LDLRAD4: variants seen among roughly 807,000 people sequenced by gnomAD.
The protein encoded by LDLRAD4 is low-density lipoprotein receptor class A domain-containing protein 4.
A neutral mutation model predicts 17.0 loss-of-function variants in LDLRAD4; 5 were observed. The observed-to-expected ratio is 0.29, with a 90% CI of 0.15 to 0.62. The LOEUF (loss-of-function observed/expected upper bound fraction) is 0.62, where lower values mean the gene tolerates loss of function less well. Among genes scored for constraint, LDLRAD4 ranks in the 20% least tolerant of loss-of-function variants. LDLRAD4 has a pLI of 0.84. For missense variants in LDLRAD4, 340 were observed against 424.7 expected (o/e 0.80, Z 1.75); for synonymous variants, 168 against 171.8 (o/e 0.98, Z 0.17).
rs113708155 is a variant in LDLRAD4, at chr18:13,560,996, T to A, written c.182-60121T>A. Among the ~76,000 whole-genome samples the A allele has an allele frequency of 4.5e-3, 678 of 152,324 alleles. 3 individuals carry two copies. The highest frequency in any genetic ancestry group is 0.016 in the African/African-American group (658 of 41,566). On this transcript the variant is annotated intron_variant, in intron 3 of 5. Coordinates refer to ENST00000359446, the Ensembl canonical transcript of LDLRAD4. The stretch of plus-strand genomic sequence containing the variant: ...TCGTTCTGATTTTTATGGAGACACA[T>A]CTGTGTGACCTTAGGAAGGTCTCCC...
chr18:13,619,921 C>T (rs1316939890), intron 3 of LDLRAD4, among the ~76,000 whole-genome samples: 8 of 152,184 alleles, frequency 5.3e-5, no homozygotes, highest in African/African-American at 1.9e-4. Flanking sequence ...ACACCAGCGC[C>T]TCTCCTATAG....
At chr18:13,496,704 T>G (rs753087773) in intron 3 of LDLRAD4, among the ~76,000 whole-genome samples, 1 of 152,104 alleles carries the variant, frequency 6.6e-6, no homozygotes, top group Non-Finnish European at 1.5e-5. Flanking sequence ...TCCCCCATAC[T>G]CGAGGTTAAT....
intron 1 of LDLRAD4, among the ~76,000 whole-genome samples, chr18:13,232,693 C>G (rs572146448): frequency 1.3e-5 from 2 of 152,338 alleles, no homozygotes; most frequent in Admixed American, 6.5e-5. Context: ...GTCCCCTGAT[C>G]CCCTGCTTGC....
intron 2 of LDLRAD4, among the ~76,000 whole-genome samples, chr18:13,437,907 A>G (rs893884711): frequency 6.6e-6 from 1 of 152,222 alleles, no homozygotes. Flanking sequence ...TTCAAACCGA[A>G]TAATAGAGCC....
chr18:13,525,382 C>T (rs775609726), intron 3 of LDLRAD4, among the ~76,000 whole-genome samples: 107 of 152,352 alleles, frequency 7.0e-4, no homozygotes, highest in Non-Finnish European at 1.2e-3. Context: ...CACATTTAAA[C>T]ACGCTAAAGT....
intron 3 of LDLRAD4, among the ~76,000 whole-genome samples, chr18:13,619,801 C>T (rs925624906): frequency 3.3e-5 from 5 of 152,138 alleles, no homozygotes; most frequent in Non-Finnish European, 7.4e-5. Flanking sequence ...GATGTTCCCA[C>T]CAGCCTGGCC....
chr18:13,642,159 C>A, intron 4 of LDLRAD4: 2 of 985,496 alleles, frequency 2.0e-6, no homozygotes, highest in Non-Finnish European at 2.4e-6. Context: ...CAGGATGTCC[C>A]CGAGTATCTT....
At chr18:13,618,221 G>A (rs1277393978) in intron 3 of LDLRAD4, among the ~76,000 whole-genome samples, 1 of 152,150 alleles carries the variant, frequency 6.6e-6, no homozygotes, top group African/African-American at 2.4e-5. Flanking sequence ...TTTGCACATC[G>A]ATTCCAATAA....
At chr18:13,513,550 C>A (rs1236210974) in intron 3 of LDLRAD4, among the ~76,000 whole-genome samples, 5 of 152,224 alleles carry the variant, frequency 3.3e-5, no homozygotes, top group African/African-American at 1.2e-4. Context: ...CCGTGGGGAG[C>A]TGGATCCTCA....
chr18:13,352,603 C>G (rs1374543064), intron 1 of LDLRAD4, among the ~76,000 whole-genome samples: 1 of 152,022 alleles, frequency 6.6e-6, no homozygotes, highest in Non-Finnish European at 1.5e-5. Context: ...TTAAATTTCT[C>G]GGATTTGTCA....
rs145441881 is a variant in LDLRAD4, at chr18:13,294,299, G to C, written c.-383+16111G>C. Among the ~76,000 whole-genome samples the C allele has an allele frequency of 5.3e-3, 810 of 152,346 alleles. 4 individuals carry two copies. The highest frequency in any genetic ancestry group is 7.6e-3 in the Non-Finnish European group (516 of 68,034). On this transcript the variant is annotated intron_variant, in intron 1 of 5. Transcript: ENST00000359446. The stretch of plus-strand genomic sequence containing the variant: ...CAGGTGGCTGCTCTTGGCAGCACCT[G>C]AGGGCTGGGGGCACGTCAGACAGAC...
chr18:13,491,403 G>A (rs1229986377), intron 3 of LDLRAD4: 9 of 152,218 alleles, frequency 5.9e-5, no homozygotes, highest in African/African-American at 2.2e-4. Context: ...GCACCTGTGT[G>A]TGTGTGTCCA....
chr18:13,253,372 T>G (rs2043329635), intron 1 of LDLRAD4, among the ~76,000 whole-genome samples: 1 of 152,216 alleles, frequency 6.6e-6, no homozygotes, highest in Non-Finnish European at 1.5e-5. Flanking sequence ...TTGCTCACTC[T>G]TTTTTAAGAA....
chr18:13,554,273 T>G (rs2062141048), intron 3 of LDLRAD4, among the ~76,000 whole-genome samples: 1 of 152,224 alleles, frequency 6.6e-6, no homozygotes, highest in South Asian at 2.1e-4. Context: ...TAAAAATATT[T>G]TAAGTTATGG....
rs2043767201 is a variant in LDLRAD4 at position 13,260,679 on chromosome 18, C to CT, written c.-466-17424dup. Among the ~76,000 whole-genome samples, 3 of 152,332 alleles carry CT rather than the reference C, an allele frequency of 2.0e-5. No individual in the cohort carries two copies. The East Asian group carries it at 5.8e-4, about 29-fold the overall frequency. Reference sequence around the variant, plus strand: ...CTTTCTGCCACCCTCTCCCTCCCTCCTTACAGATGTCTGTCTTTCCAGGAC... The same window carrying CT: ...CTTTCTGCCACCCTCTCCCTCCCTCCTTTACAGATGTCTGTCTTTCCAGGAC... On this transcript the variant is annotated intron_variant, in intron 1 of 5. Coordinates refer to the LDLRAD4 transcript ENST00000399848.
chr18:13,545,967 A>T, intron 3 of LDLRAD4, among the ~76,000 whole-genome samples: 1 of 152,132 alleles, frequency 6.6e-6, no homozygotes, highest in Non-Finnish European at 1.5e-5. Context: ...AGCAGCAGTG[A>T]AGGATAGGGT....
At chr18:13,228,891 A>G (rs570049907) in intron 1 of LDLRAD4, among the ~76,000 whole-genome samples, 1 of 152,334 alleles carries the variant, frequency 6.6e-6, no homozygotes, top group African/African-American at 2.4e-5. Flanking sequence ...TAGTCCAGAA[A>G]AATCATGACA....
chr18:13,441,919 G>T (rs920179634), intron 3 of LDLRAD4, among the ~76,000 whole-genome samples: 1 of 152,190 alleles, frequency 6.6e-6, no homozygotes, highest in Non-Finnish European at 1.5e-5. Context: ...TTGCATGGAC[G>T]TGGAGGTCTG....
intron 3 of LDLRAD4, chr18:13,472,358 TAAAAG>T (rs1224489269): frequency 6.6e-6 from 1 of 152,274 alleles, no homozygotes; most frequent in African/African-American, 2.4e-5. Context: ...AGCCAGCAGA[TAAAAG>T]AAGTCATTTA....
Sources: gnomAD v4.1 joint callset for allele counts (sites outside exome capture counted in the v4.1 genomes callset) on GRCh38, gnomAD v4.1.1 for gene constraint, MANE v1.5 for transcripts, NCBI Gene and HGNC (gene_info 2026-07-23, HGNC 2026-07-21) for gene names.